The following GUCY1B1 variants were observed in gnomAD, a reference collection of about 807,000 sequenced individuals.
GUCY1B1 encodes guanylate cyclase soluble subunit beta-1.
A neutral mutation model predicts 71.0 loss-of-function variants in GUCY1B1; 43 were observed. The observed-to-expected ratio is 0.61, with a 90% confidence interval of 0.47 to 0.78. The LOEUF (loss-of-function observed/expected upper bound fraction) is 0.78, where lower values mean the gene tolerates loss of function less well. GUCY1B1 is among the 30% of genes least tolerant of loss of function. GUCY1B1 has a pLI of 0.00. For missense variants in GUCY1B1, 535 were observed against 754.1 expected (o/e 0.71, Z 3.40); for synonymous variants, 266 against 259.7 (o/e 1.02, Z -0.23).
At chr4:155,772,158 A>C (rs561813593) in intron 2 of GUCY1B1, among the ~76,000 whole-genome samples, 2 of 152,280 alleles carry the variant, frequency 1.3e-5, no homozygotes, top group South Asian at 2.1e-4. Context: ...TATTAAAAAG[A>C]CTTGAGGTCT....
At chr4:155,785,115 C>T (rs1012270607) in intron 4 of GUCY1B1, 1 of 488,120 alleles carries the variant, frequency 2.0e-6, no homozygotes, top group Non-Finnish European at 3.6e-6. Context: ...AAACCACATT[C>T]ATTTGCTTGT....
chr4:155,801,722 T>C (rs1432497668), intron 9 of GUCY1B1, among the ~76,000 whole-genome samples: 1 of 152,220 alleles, frequency 6.6e-6, no homozygotes, highest in Non-Finnish European at 1.5e-5. Flanking sequence ...TCCTCCTGTG[T>C]GCTCACATTT....
chr4:155,795,824 TA>T (rs1248288189), intron 7 of GUCY1B1, among the ~76,000 whole-genome samples: 2 of 152,232 alleles, frequency 1.3e-5, no homozygotes, highest in Non-Finnish European at 2.9e-5. Context: ...TATTCTTTCT[TA>T]AATTGTCTAT....
At chr4:155,787,423 C>T (rs1738872055) in intron 4 of GUCY1B1, among the ~76,000 whole-genome samples, 1 of 152,130 alleles carries the variant, frequency 6.6e-6, no homozygotes, top group Non-Finnish European at 1.5e-5. Context: ...CCAGATTTAT[C>T]GAGTTGAGGA....
At chr4:155,769,380 T>G (rs186695140) in intron 2 of GUCY1B1, among the ~76,000 whole-genome samples, 42 of 152,252 alleles carry the variant, frequency 2.8e-4, no homozygotes, top group African/African-American at 9.9e-4. Flanking sequence ...TGAAAGTGCT[T>G]TTAAACTTGA....
In GUCY1B1 at chr4:155,775,148, A is replaced by G. The variant is rs891463750; in HGVS notation, c.178+80A>G. On this transcript the variant is annotated intron_variant, in intron 3 of 13. Coordinates refer to ENST00000264424, the MANE Select transcript of GUCY1B1 (RefSeq NM_000857.5). ...AATGCATGGTTCAAGATCACAACGC[A>G]GGGTTACAGAAGTGGTGCAGAGCAT... 784 of 798,430 alleles carry G rather than the reference A, an allele frequency of 9.8e-4. 4 individuals carry two copies. The highest frequency in any genetic ancestry group is 1.4e-3 in the Non-Finnish European group (631 of 450,048). The allele number at this position is 798,430 out of a possible 1,614,324, so 49.5% of individuals were successfully genotyped here.
intron 2 of GUCY1B1, among the ~76,000 whole-genome samples, chr4:155,763,655 T>G (rs993155122): frequency 6.6e-6 from 1 of 152,198 alleles, no homozygotes; most frequent in Non-Finnish European, 1.5e-5. Context: ...TAGCATATAC[T>G]TCCAGTTTTG....
At chr4:155,776,672 A>G (rs1356908388) in intron 3 of GUCY1B1, among the ~76,000 whole-genome samples, 1 of 152,052 alleles carries the variant, frequency 6.6e-6, no homozygotes, top group East Asian at 1.9e-4. Context: ...TCTGTCTCAA[A>G]AAACTAAAAA....
chr4:155,775,420 G>A (rs1737975827), intron 3 of GUCY1B1, among the ~76,000 whole-genome samples: 1 of 152,042 alleles, frequency 6.6e-6, no homozygotes, highest in Non-Finnish European at 1.5e-5. Flanking sequence ...AGCCTCCCAA[G>A]TAACTGGGAC....
intron 8 of GUCY1B1, among the ~76,000 whole-genome samples, chr4:155,799,460 C>CA (rs1739792160): frequency 6.6e-6 from 1 of 151,858 alleles, no homozygotes; most frequent in African/African-American, 2.4e-5. Flanking sequence ...ATACAGAAAG[C>CA]AAAATGAAAG....
chr4:155,772,505 C>T (rs1270567686), intron 2 of GUCY1B1: 1 of 487,560 alleles, frequency 2.1e-6, no homozygotes, highest in Non-Finnish European at 3.7e-6. Flanking sequence ...GCCTCAACTC[C>T]CGAGGCTCAA....
chr4:155,803,850 C>T (rs754609938), intron 11 of GUCY1B1, 86 bp downstream of exon 11: 40 of 876,166 alleles, frequency 4.6e-5, no homozygotes, highest in Middle Eastern at 3.1e-4. Flanking sequence ...AAATCATTAA[C>T]GTGTATAAAG....
At chr4:155,772,307 T>C (rs1202847589) in intron 2 of GUCY1B1, among the ~76,000 whole-genome samples, 1 of 152,238 alleles carries the variant, frequency 6.6e-6, no homozygotes, top group Non-Finnish European at 1.5e-5. Context: ...TGTATAGTAC[T>C]TTAACTGCTT....
chr4:155,803,663 T>C lies in GUCY1B1; in HGVS notation c.1453T>C (p.Leu485=). ...TGACAAGTATATGACAGTGAGTGGTTTACCAGAGCCATGCATTCACCATGC... is the reference window on the plus strand; with the variant it reads ...TGACAAGTATATGACAGTGAGTGGTCTACCAGAGCCATGCATTCACCATGC... ...VGDKYMTVSG[L]PEPCIHHARS... Residue 485 remains leucine (L), a synonymous_variant, in exon 11 of 14, where the codon TTA becomes CTA. Coordinates refer to ENST00000264424, the MANE Select transcript of GUCY1B1 (RefSeq NM_000857.5). 1 of 1,606,096 alleles carries C rather than the reference T, an allele frequency of 6.2e-7. No homozygotes were observed. The highest frequency in any genetic ancestry group is 8.5e-7 in the Non-Finnish European group (1 of 1,175,942).
chr4:155,773,613 T>C (rs1377237257), intron 2 of GUCY1B1, among the ~76,000 whole-genome samples: 2 of 152,176 alleles, frequency 1.3e-5, no homozygotes, highest in Non-Finnish European at 2.9e-5. Flanking sequence ...CAACAAGTCT[T>C]TCCCAATTCA....
intron 13 of GUCY1B1, 26 bp from the exon 14 acceptor site, chr4:155,806,360 T>A (rs1740313580): frequency 1.3e-6 from 2 of 1,540,696 alleles, no homozygotes; most frequent in Non-Finnish European, 9.0e-7. Flanking sequence ...TGTAAATCAA[T>A]CCCTCTTTTC....
chr4:155,791,303 G>C (rs1467305122), intron 5 of GUCY1B1, among the ~76,000 whole-genome samples: 1 of 151,034 alleles, frequency 6.6e-6, no homozygotes, highest in African/African-American at 2.4e-5. Flanking sequence ...TTTTAGTAGA[G>C]ACGGGGTTTC....
At chr4:155,791,762 C>CAAAA (rs1739196126) in intron 5 of GUCY1B1, among the ~76,000 whole-genome samples, 1 of 122,208 alleles carries the variant, frequency 8.2e-6, no homozygotes, top group Non-Finnish European at 1.7e-5. Context: ...AAAAATAAAG[C>CAAAA]AAAACAAAAC....
At chr4:155,775,809 A>G (rs913181563) in intron 3 of GUCY1B1, among the ~76,000 whole-genome samples, 1 of 152,044 alleles carries the variant, frequency 6.6e-6, no homozygotes, top group Non-Finnish European at 1.5e-5. Context: ...TATCTTTCTG[A>G]AGAAGGCAAA....
Sources: gnomAD v4.1 joint callset for allele counts (sites outside exome capture counted in the v4.1 genomes callset) on GRCh38, gnomAD v4.1.1 for gene constraint, MANE v1.5 for transcripts, NCBI Gene and HGNC (gene_info 2026-07-23, HGNC 2026-07-21) for gene names.